NAALADL2: variants seen among roughly 807,000 people sequenced by gnomAD.
The protein encoded by NAALADL2 is N-acetylated alpha-linked acidic dipeptidase like 2, also known as inactive N-acetylated-alpha-linked acidic dipeptidase-like protein 2.
NAALADL2 carries 76 observed loss-of-function variants against 87.2 expected under a neutral mutation model. The ratio of observed to expected loss-of-function variants is 0.87; its 90% CI spans 0.72 to 1.05. The LOEUF is 1.05. Ranked by LOEUF, NAALADL2 falls within the 50% of genes least tolerant of loss-of-function variation. The pLI is 0.00. For missense variants in NAALADL2, 1,089 were observed against 945.8 expected (o/e 1.15, Z -1.99); for synonymous variants, 354 against 331.0 (o/e 1.07, Z -0.75).
At chr3:175,555,623 G>A (rs532237930) in intron 9 of NAALADL2, among the ~76,000 whole-genome samples, 3 of 152,064 alleles carry the variant, frequency 2.0e-5, no homozygotes, top group South Asian at 4.1e-4. Flanking sequence ...GTCATACTTA[G>A]CACATGTATA....
intron 11 of NAALADL2, among the ~76,000 whole-genome samples, chr3:175,721,895 AT>A (rs1742291119): frequency 6.6e-6 from 1 of 152,092 alleles, no homozygotes; most frequent in African/African-American, 2.4e-5. Flanking sequence ...TTAATGCATT[AT>A]AATAAAGTGT....
At chr3:175,216,573 G>A (rs1742548093) in intron 2 of NAALADL2, among the ~76,000 whole-genome samples, 1 of 151,894 alleles carries the variant, frequency 6.6e-6, no homozygotes, top group African/African-American at 2.4e-5. Flanking sequence ...GAGGTCTTTA[G>A]TGAGGTACAG....
intron 5 of NAALADL2, among the ~76,000 whole-genome samples, chr3:175,403,505 G>T (rs964217019): frequency 6.6e-6 from 1 of 152,026 alleles, no homozygotes; most frequent in African/African-American, 2.4e-5. Flanking sequence ...AAAATAGATA[G>T]CTCAGTAAAG....
intron 1 of NAALADL2, among the ~76,000 whole-genome samples, chr3:174,982,808 T>G (rs1235164858): frequency 6.6e-6 from 1 of 152,130 alleles, no homozygotes; most frequent in East Asian, 1.9e-4. Flanking sequence ...TAAAATTTTT[T>G]TTTTTTTGAG....
chr3:175,251,447 T>C (rs928016468), intron 3 of NAALADL2, among the ~76,000 whole-genome samples: 3 of 152,218 alleles, frequency 2.0e-5, no homozygotes, highest in African/African-American at 7.2e-5. Context: ...TTAGACTTCC[T>C]TTTCATTAGA....
intron 2 of NAALADL2, among the ~76,000 whole-genome samples, chr3:174,583,059 GCCTTTTTTATTGCCA>G (rs1716344006): frequency 1.3e-5 from 2 of 152,172 alleles, no homozygotes; most frequent in Admixed American, 1.3e-4. Context: ...AGCCATATTT[GCCTTTTTTATTGCCA>G]CCTGTCAATG....
At chr3:174,845,956 A>G (rs1045364886) in intron 3 of NAALADL2, among the ~76,000 whole-genome samples, 3 of 152,148 alleles carry the variant, frequency 2.0e-5, no homozygotes, top group Admixed American at 6.5e-5. Flanking sequence ...AGATGGCACC[A>G]TGGTGTATCA....
At chr3:175,050,122 TG>T (rs1190149872) in intron 1 of NAALADL2, among the ~76,000 whole-genome samples, 2 of 152,184 alleles carry the variant, frequency 1.3e-5, no homozygotes, top group Non-Finnish European at 2.9e-5. Context: ...GAGTGTGCCC[TG>T]GGATGAAGTG....
At chr3:175,752,510 A>T (rs1200416998) in intron 12 of NAALADL2, among the ~76,000 whole-genome samples, 1 of 152,140 alleles carries the variant, frequency 6.6e-6, no homozygotes, top group African/African-American at 2.4e-5. Flanking sequence ...TGGCAGAGAA[A>T]TGGCTACTAG....
chr3:175,265,460 A>G (rs1454206972), intron 4 of NAALADL2, among the ~76,000 whole-genome samples: 2 of 151,648 alleles, frequency 1.3e-5, no homozygotes, highest in East Asian at 1.9e-4. Flanking sequence ...GTCACTATAT[A>G]TATGGCTCTA....
chr3:174,745,151 G>C (rs1015222103), intron 3 of NAALADL2, among the ~76,000 whole-genome samples: 1 of 151,818 alleles, frequency 6.6e-6, no homozygotes, highest in Non-Finnish European at 1.5e-5. Context: ...AAATCAACGA[G>C]TCCAGGAGCT....
chr3:174,542,912 G>A (rs865998112), intron 1 of NAALADL2, among the ~76,000 whole-genome samples: 1 of 152,200 alleles, frequency 6.6e-6, no homozygotes, highest in African/African-American at 2.4e-5. Flanking sequence ...TATGCGTGCT[G>A]TGGAATTTTC....
chr3:175,491,261 T>C (rs1728054795), intron 9 of NAALADL2, among the ~76,000 whole-genome samples: 1 of 151,008 alleles, frequency 6.6e-6, no homozygotes, highest in Non-Finnish European at 1.5e-5. Flanking sequence ...AAATATTATT[T>C]TATTGTTCTA....
chr3:175,327,026 T>C (rs1416226194), intron 5 of NAALADL2, among the ~76,000 whole-genome samples: 1 of 152,138 alleles, frequency 6.6e-6, no homozygotes, highest in Non-Finnish European at 1.5e-5. Context: ...AAAGAAGTAA[T>C]TTAGAACAAC....
At chr3:175,444,732 A>G (rs1720410979) in intron 5 of NAALADL2, among the ~76,000 whole-genome samples, 1 of 152,222 alleles carries the variant, frequency 6.6e-6, no homozygotes, top group South Asian at 2.1e-4. Flanking sequence ...CTGTTGGGAA[A>G]TAATGACCTA....
intron 5 of NAALADL2, among the ~76,000 whole-genome samples, chr3:175,398,878 C>A (rs1227904668): frequency 2.0e-5 from 3 of 151,798 alleles, no homozygotes; most frequent in African/African-American, 7.3e-5. Flanking sequence ...GTTCTTGGAT[C>A]TTGCGCAAGA....
At chr3:175,668,460 TC>T (rs1394827360) in intron 11 of NAALADL2, among the ~76,000 whole-genome samples, 1 of 152,106 alleles carries the variant, frequency 6.6e-6, no homozygotes, top group East Asian at 1.9e-4. Context: ...AATGAGACTG[TC>T]TAAAAACTGA....
intron 10 of NAALADL2, among the ~76,000 whole-genome samples, chr3:175,588,529 C>CTTTTTTTTTTTT (rs1430802993): frequency 8.2e-4 from 77 of 94,464 alleles, no homozygotes; most frequent in African/African-American, 3.0e-3. Flanking sequence ...TTCTTTCTTT[C>CTTTTTTTTTTTT]TTTTCTTTTT....
intron 2 of NAALADL2, among the ~76,000 whole-genome samples, chr3:175,195,123 G>A (rs1738785061): frequency 6.6e-6 from 1 of 151,578 alleles, no homozygotes; most frequent in African/African-American, 2.4e-5. Context: ...ATTTATGCCA[G>A]TAATGATAGT....
Sources: allele counts gnomAD v4.1 joint callset (sites outside exome capture counted in the v4.1 genomes callset), GRCh38; gene constraint gnomAD v4.1.1; transcripts MANE v1.5; gene names NCBI Gene and HGNC (gene_info 2026-07-23, HGNC 2026-07-21).